HSD17B4: variants seen among roughly 807,000 people sequenced by gnomAD.
The protein encoded by HSD17B4 is peroxisomal multifunctional enzyme type 2.
Under a neutral mutation model 101.0 loss-of-function variants are expected in HSD17B4, and 70 were observed. That is an observed-to-expected ratio of 0.69 (90% CI 0.57 to 0.85). The LOEUF (loss-of-function observed/expected upper bound fraction) is 0.85. Among genes scored for constraint, HSD17B4 ranks in the 40% least tolerant of loss-of-function variants. The probability of loss-of-function intolerance (pLI) is 0.00; values close to 1 mark genes in which losing one functional copy is unlikely to be tolerated. For missense variants in HSD17B4, 984 were observed against 892.4 expected, an observed-to-expected ratio of 1.10 and a Z score of -1.31; for synonymous variants, 347 against 297.1, an observed-to-expected ratio of 1.17 and a Z score of -1.73.
At chr5:119,461,154 G>C (rs1185785672) in intron 2 of HSD17B4, among the ~76,000 whole-genome samples, 2 of 152,108 alleles carry the variant, frequency 1.3e-5, no homozygotes, top group African/African-American at 2.4e-5. Context: ...TTGATGCTCA[G>C]ATATGAACTT....
chr5:119,499,672 T>C (rs2126782272), intron 13 of HSD17B4, 119 bp downstream of exon 13: 2 of 523,518 alleles, frequency 3.8e-6, no homozygotes, highest in Non-Finnish European at 6.6e-6. Context: ...TAATTATTTA[T>C]AGTGGTTAGT....
intron 6 of HSD17B4, among the ~76,000 whole-genome samples, chr5:119,477,013 T>C (rs191986840): frequency 1.3e-5 from 2 of 152,308 alleles, no homozygotes; most frequent in Non-Finnish European, 2.9e-5. Context: ...ATCTAGTGAG[T>C]ATTTTGTAAA....
At chr5:119,458,364 G>C (rs1754882150) in intron 2 of HSD17B4, among the ~76,000 whole-genome samples, 1 of 147,866 alleles carries the variant, frequency 6.8e-6, no homozygotes, top group Non-Finnish European at 1.5e-5. Context: ...TTTTTTTTGA[G>C]ATGGAGTCTT....
At position 119,536,469 on chromosome 5, in the gene HSD17B4, A is replaced by G. The variant is rs2126915676; in HGVS notation, c.2040A>G (p.Ala680=). The change falls in exon 23 of 24, where the codon GCA becomes GCG. Residue 680 remains alanine (A), a synonymous_variant. Transcript: ENST00000510025. The part of the protein sequence containing the change: ...SGSGKVYQGP[A]KGAADTTIIL... ...CTGGAAAAGTGTACCAAGGCCCTGC[A>G]AAAGGTGCTGCTGATACAACAATCA... The G allele has an allele frequency of 6.2e-7, 1 of 1,612,158 alleles. No individual in the cohort carries two copies. Among genetic ancestry groups the G allele is most frequent in the East Asian group, 2.2e-5 (1 of 44,846 alleles).
At chr5:119,482,021 T>TC (rs1407791785) in intron 8 of HSD17B4, among the ~76,000 whole-genome samples, 1 of 152,112 alleles carries the variant, frequency 6.6e-6, no homozygotes, top group Non-Finnish European at 1.5e-5. Flanking sequence ...CTGCCTGGTG[T>TC]CCTCTGAGAT....
At chr5:119,493,385 C>G (rs763136629) in intron 10 of HSD17B4, 4 of 168,876 alleles carry the variant, frequency 2.4e-5, no homozygotes, top group South Asian at 1.5e-4. Context: ...TAACTGAAGT[C>G]TTTGACCTAT....
intron 2 of HSD17B4, among the ~76,000 whole-genome samples, chr5:119,459,549 C>T (rs1018615612): frequency 6.6e-6 from 1 of 152,084 alleles, no homozygotes; most frequent in African/African-American, 2.4e-5. Context: ...CACTTAAAAC[C>T]GGGTAATGTA....
chr5:119,532,528 G>A (rs970243186), intron 22 of HSD17B4, among the ~76,000 whole-genome samples: 21 of 152,162 alleles, frequency 1.4e-4, no homozygotes, highest in African/African-American at 4.8e-4. Flanking sequence ...AATGTTTATT[G>A]TATGGATAGT....
intron 9 of HSD17B4, among the ~76,000 whole-genome samples, chr5:119,491,593 A>G (rs1284357509): frequency 3.9e-5 from 6 of 152,092 alleles, no homozygotes; most frequent in Non-Finnish European, 5.9e-5. Context: ...TGTTTCATTA[A>G]AATGAGTATA....
chr5:119,466,902 G>A (rs925361248), intron 2 of HSD17B4, among the ~76,000 whole-genome samples: 2 of 152,076 alleles, frequency 1.3e-5, no homozygotes, highest in Admixed American at 6.5e-5. Flanking sequence ...CTTTTCCAAT[G>A]TAGGCATTTA....
At chr5:119,518,641 T>C (rs569717483) in intron 17 of HSD17B4, among the ~76,000 whole-genome samples, 2 of 152,140 alleles carry the variant, frequency 1.3e-5, no homozygotes, top group Non-Finnish European at 2.9e-5. Context: ...TGTAGGATGA[T>C]TGTGCATGGG....
intron 2 of HSD17B4, among the ~76,000 whole-genome samples, chr5:119,469,574 C>G (rs950679676): frequency 6.6e-6 from 1 of 152,142 alleles, no homozygotes; most frequent in African/African-American, 2.4e-5. Flanking sequence ...ATACTGGTCT[C>G]AAACTCCTGA....
chr5:119,489,176 A>G lies in HSD17B4; in HGVS notation c.623-16A>G, dbSNP rs1749871088. ...GTAAAATGATTGATAAGATATGTGT[A>G]TATTCTTTATTTCAGATCTTGTGGA... On this transcript the variant is annotated splice_polypyrimidine_tract_variant and intron_variant, in intron 8 of 23. Transcript: ENST00000510025. 3 of 1,489,934 alleles carry G rather than the reference A, an allele frequency of 2.0e-6. No individual in the cohort carries two copies. The highest frequency in any genetic ancestry group is 2.8e-6 in the Non-Finnish European group (3 of 1,067,114). The allele number at this position is 1,489,934 out of a possible 1,614,324, so 92.3% of individuals were successfully genotyped here.
intron 1 of HSD17B4, among the ~76,000 whole-genome samples, chr5:119,455,284 C>T (rs32649): frequency 0.27 from 41,757 of 152,018 alleles, 7,113 homozygotes; most frequent in East Asian, 0.4. Context: ...TTTGGGAGGC[C>T]GAGGTGGGCT....
intron 2 of HSD17B4, among the ~76,000 whole-genome samples, chr5:119,466,080 G>GT (rs1311539597): frequency 1.3e-5 from 2 of 152,000 alleles, no homozygotes; most frequent in Non-Finnish European, 1.5e-5. Flanking sequence ...TGATCAGATG[G>GT]TTTTTTTCTC....
At chr5:119,494,528 C>A (rs1750455273) in intron 11 of HSD17B4, among the ~76,000 whole-genome samples, 1 of 151,978 alleles carries the variant, frequency 6.6e-6, no homozygotes, top group African/African-American at 2.4e-5. Context: ...CCTTTGATCT[C>A]CTCTGCTAAT....
chr5:119,473,958 G>T lies in HSD17B4; in HGVS notation c.163G>T (p.Ala55Ser). 6.2e-7 allele frequency: 1 copy of T among 1,613,044 alleles called. No individual in the cohort carries two copies. The highest frequency in any genetic ancestry group is 8.5e-7 in the Non-Finnish European group (1 of 1,179,026). The change falls in exon 3 of 24, where the codon GCT becomes TCT. Residue 55 changes from alanine to serine, a missense_variant. Ala to Ser is a moderately conservative substitution (Grantham distance 99). Coordinates refer to ENST00000510025, the MANE Select transcript of HSD17B4 (RefSeq NM_000414.4). ...AGGAGTTGGTAAAGGCTCCTTAGCT[G>T]CTGATAAGGTTGTTGAAGAAATAAG... Reference protein sequence around the residue: ...FKGVGKGSLAADKVVEEIRRR... With the variant: ...FKGVGKGSLASDKVVEEIRRR...
Position 119,536,422 on chromosome 5 carries a change from G to A in HSD17B4, c.1994-1G>A. On this transcript the variant is annotated splice_acceptor_variant, in intron 22 of 23. Coordinates refer to ENST00000510025, the MANE Select transcript of HSD17B4 (RefSeq NM_000414.4). LOFTEE classifies it high-confidence loss of function. ...CATTGGTTTCTTCCTATTTTTCCCA[G>A]CTATTGACCTGAAAAGTGGTTCTGG... is the stretch of plus-strand genomic sequence containing the variant. 1 of 1,611,978 alleles carries A rather than the reference G, an allele frequency of 6.2e-7. No individual in the cohort carries two copies. Among genetic ancestry groups the A allele is most frequent in the African/African-American group, 1.3e-5 (1 of 74,936 alleles).
intron 2 of HSD17B4, among the ~76,000 whole-genome samples, chr5:119,470,269 G>A (rs1028894186): frequency 1.3e-5 from 2 of 152,002 alleles, no homozygotes; most frequent in Non-Finnish European, 2.9e-5. Flanking sequence ...AAACTAGCTG[G>A]GGTCATGATC....
Sources: gnomAD v4.1 joint callset for allele counts (sites outside exome capture counted in the v4.1 genomes callset) on GRCh38, gnomAD v4.1.1 for gene constraint, MANE v1.5 for transcripts, NCBI Gene and HGNC (gene_info 2026-07-23, HGNC 2026-07-21) for gene names.